Variants in DMXL2 observed in about 807,000 individuals in gnomAD.
The protein encoded by DMXL2 is dmX-like protein 2.
Under a neutral mutation model 331.1 loss-of-function variants are expected in DMXL2, and 103 were observed. The ratio of observed to expected loss-of-function variants is 0.31; its 90% CI spans 0.27 to 0.37. DMXL2 has a LOEUF of 0.37. DMXL2 is among the 10% of genes least tolerant of loss of function. The pLI, the probability that DMXL2 is intolerant of heterozygous loss-of-function variation, is 1.00. For missense variants in DMXL2, 3,171 were observed against 3,642.9 expected (o/e 0.87, Z 3.33); for synonymous variants, 1,281 against 1,252.1 (o/e 1.02, Z -0.49).
chr15:51,495,912 C>T (rs1240709470), intron 18 of DMXL2, among the ~76,000 whole-genome samples: 1 of 151,918 alleles, frequency 6.6e-6, no homozygotes, highest in Non-Finnish European at 1.5e-5. Context: ...TTACCTATAT[C>T]CATCCATCCA....
chr15:51,529,742 T>C (rs1176754687), intron 13 of DMXL2, among the ~76,000 whole-genome samples: 1 of 152,068 alleles, frequency 6.6e-6, no homozygotes, highest in Non-Finnish European at 1.5e-5. Context: ...AAGGAATACT[T>C]TCAAACTCAT....
In DMXL2 at chr15:51,538,354, A is replaced by G; in HGVS notation, c.1204T>C (p.Ser402Pro). ...WLNNKEFHFT[S>P]STEVFMHQLR... ...TGATGCATAAATACTTCTGTAGATGATGTAAAATGAAATTCCTTGTTGTTT... is the reference window on the plus strand; with the variant it reads ...TGATGCATAAATACTTCTGTAGATGGTGTAAAATGAAATTCCTTGTTGTTT... The change falls in exon 10 of 44, where the codon TCA becomes CCA. Residue 402 changes from serine (S) to proline (P), a missense_variant. By Grantham distance (74) the Ser-to-Pro change is moderately conservative. Coordinates refer to ENST00000560891, the MANE Select transcript of DMXL2 (RefSeq NM_001378457.1). 2 of 1,613,812 alleles carry G rather than the reference A, an allele frequency of 1.2e-6. No individual in the cohort carries two copies. Among genetic ancestry groups the G allele is most frequent in the Non-Finnish European group, 1.7e-6 (2 of 1,179,782 alleles).
Position 51,487,983 on chromosome 15 carries a change from G to A in DMXL2, c.5188C>T (p.Leu1730=), listed in dbSNP as rs1253879328. The change falls in exon 22 of 44, where the codon CTA becomes TTA. Residue 1730 remains leucine (L), a synonymous_variant. Transcript: ENST00000560891. The part of the protein sequence containing the change: ...RFEQSAAFFL[L]AGSLKDAIEV... The stretch of plus-strand genomic sequence containing the variant: ...ATGGCATCTTTCAATGAACCAGCTA[G>A]CAAGAAAAAAGCAGCCGATTGTTCA... 1 of 1,611,028 alleles carries A rather than the reference G, an allele frequency of 6.2e-7. No individual in the cohort carries two copies. The highest frequency in any genetic ancestry group is 8.5e-7 in the Non-Finnish European group (1 of 1,178,946).
rs1336079642 is a variant in DMXL2, at chr15:51,448,253, AAG to A, written c.*729_*730del. On this transcript the variant is annotated 3_prime_UTR_variant, in exon 44 of 44. Coordinates refer to ENST00000560891, the MANE Select transcript of DMXL2 (RefSeq NM_001378457.1). Reference sequence around the variant, plus strand: ...AAAAGAAAAAGTACTAAACTGGACTAAGAAGGTGTGTTTGGTTAACTACAAAT... The same window carrying A: ...AAAAGAAAAAGTACTAAACTGGACTAAAGGTGTGTTTGGTTAACTACAAAT... 2.0e-5 allele frequency: 3 copies of A among 152,836 alleles called. No individual in the cohort carries two copies. The highest frequency in any genetic ancestry group is 7.2e-5 in the African/African-American group (3 of 41,586). 9.5% of individuals were successfully genotyped at this position (152,836 alleles called of 1,614,324 possible). A position where few individuals can be genotyped will look rare whatever the true frequency, so the allele number is the denominator to read the frequency against.
intron 24 of DMXL2, 140 bp downstream of exon 24, chr15:51,480,402 T>C (rs1052556690): frequency 2.7e-6 from 3 of 1,099,696 alleles, no homozygotes; most frequent in Non-Finnish European, 3.7e-6. Flanking sequence ...AGAGTATAAA[T>C]ATCTGCCTCC....
At chr15:51,555,136 C>T (rs949432812) in intron 6 of DMXL2, among the ~76,000 whole-genome samples, 5 of 152,098 alleles carry the variant, frequency 3.3e-5, no homozygotes, top group East Asian at 3.8e-4. Flanking sequence ...CCAGCCTAGG[C>T]GACAGTGAGA....
intron 36 of DMXL2, 96 bp from the exon 37 acceptor site, chr15:51,457,562 T>C: frequency 7.1e-7 from 1 of 1,409,360 alleles, no homozygotes; most frequent in South Asian, 1.4e-5. Flanking sequence ...GGACAATCTT[T>C]ATTTTAAAAA....
At chr15:51,500,256 T>G in intron 17 of DMXL2, 25 bp from the exon 18 acceptor site, 1 of 1,551,576 alleles carries the variant, frequency 6.4e-7, no homozygotes, top group Non-Finnish European at 8.7e-7. Context: ...AGCAAATAGT[T>G]AGTTGTAATA....
At chr15:51,622,049 C>G (rs2054670743) in intron 1 of DMXL2, among the ~76,000 whole-genome samples, 1 of 151,522 alleles carries the variant, frequency 6.6e-6, no homozygotes, top group Non-Finnish European at 1.5e-5. Flanking sequence ...CAAGTCTCTT[C>G]ACCTCCACGC....
chr15:51,558,431 C>T (rs568974820), intron 6 of DMXL2, among the ~76,000 whole-genome samples: 188 of 152,180 alleles, frequency 1.2e-3, no homozygotes, highest in Admixed American at 3.5e-3. Context: ...TTCATAAATG[C>T]TAATTGAAAA....
chr15:51,586,392 T>C (rs1404218184), intron 1 of DMXL2, among the ~76,000 whole-genome samples: 1 of 152,108 alleles, frequency 6.6e-6, no homozygotes, highest in South Asian at 2.1e-4. Flanking sequence ...AACAAAAATC[T>C]ATGGGAAGAA....
At chr15:51,583,121 CT>C (rs1171970352) in intron 1 of DMXL2, among the ~76,000 whole-genome samples, 2,206 of 34,830 alleles carry the variant, frequency 0.063, 29 homozygotes, top group African/African-American at 0.16. Context: ...TTTTTTTTTT[CT>C]TTTTTTTTTT....
intron 3 of DMXL2, chr15:51,567,042 C>CTTTTTTTTTTTTT (rs746850030): frequency 5.9e-5 from 7 of 118,198 alleles, no homozygotes; most frequent in Non-Finnish European, 6.8e-5. Flanking sequence ...GTTCCAGATA[C>CTTTTTTTTTTTTT]TTTTTTTTTT....
intron 1 of DMXL2, among the ~76,000 whole-genome samples, chr15:51,581,767 T>C (rs753941788): frequency 5.9e-5 from 9 of 152,118 alleles, no homozygotes; most frequent in Non-Finnish European, 1.2e-4. Flanking sequence ...TAGCATACAA[T>C]AGATTAATTA....
chr15:51,610,332 C>T (rs2053875716), intron 1 of DMXL2, among the ~76,000 whole-genome samples: 1 of 152,172 alleles, frequency 6.6e-6, no homozygotes, highest in South Asian at 2.1e-4. Context: ...GATTTTAACA[C>T]ATCTCTCAGC....
chr15:51,577,847 T>G (rs1227119336), intron 1 of DMXL2, among the ~76,000 whole-genome samples: 1 of 152,202 alleles, frequency 6.6e-6, no homozygotes, highest in African/African-American at 2.4e-5. Context: ...TCCCTAAGCA[T>G]TTCCTCATGG....
At chr15:51,489,329 A>G (rs1013202243) in intron 20 of DMXL2, among the ~76,000 whole-genome samples, 1 of 152,202 alleles carries the variant, frequency 6.6e-6, no homozygotes, top group Non-Finnish European at 1.5e-5. Flanking sequence ...TATGGGAGAA[A>G]GGGAAAAGAC....
At chr15:51,553,671 A>G (rs1370360923) in intron 6 of DMXL2, among the ~76,000 whole-genome samples, 1 of 152,096 alleles carries the variant, frequency 6.6e-6, no homozygotes, top group Non-Finnish European at 1.5e-5. Flanking sequence ...CCTTATGACC[A>G]TCTACATCCA....
intron 23 of DMXL2, among the ~76,000 whole-genome samples, chr15:51,484,071 T>C (rs766169132): frequency 1.8e-4 from 27 of 149,472 alleles, no homozygotes; most frequent in Non-Finnish European, 8.9e-5. Flanking sequence ...AAATAACCCA[T>C]GGGCAACACC....
Sources: allele counts gnomAD v4.1 joint callset (sites outside exome capture counted in the v4.1 genomes callset), GRCh38; gene constraint gnomAD v4.1.1; transcripts MANE v1.5; gene names NCBI Gene and HGNC (gene_info 2026-07-23, HGNC 2026-07-21).